Variants in F8 observed in about 807,000 individuals in gnomAD.
F8 encodes the protein antihemophilic factor.
Under a neutral mutation model 140.6 loss-of-function variants are expected in F8, and 12 were observed. The observed-to-expected ratio is 0.09, with a 90% CI of 0.05 to 0.14. F8 has a LOEUF of 0.14. F8 is among the 10% of genes least tolerant of loss of function. F8 has a pLI of 1.00. For synonymous variants in F8, 585 were observed against 614.6 expected, an observed-to-expected ratio of 0.95 and a Z score of 0.71; for missense variants, 1,354 against 1,720.7, an observed-to-expected ratio of 0.79 and a Z score of 3.77.
At position 154,837,722 on chromosome X, in the gene F8, G is replaced by A; in HGVS notation, c.6931C>T (p.Pro2311Ser). ...GGTGGGTCTAGAGAGTTCACCACAGGTGTGAAGGAGTCTTGATTTCCCTGA... is the reference window on the plus strand; with the variant it reads ...GGTGGGTCTAGAGAGTTCACCACAGATGTGAAGGAGTCTTGATTTCCCTGA... ...VFQGNQDSFTPVVNSLDPPLL... is the reference protein window; with the variant it reads ...VFQGNQDSFTSVVNSLDPPLL... The change falls in exon 26 of 26, where the codon CCT becomes TCT. Residue 2311 changes from proline (P) to serine (S), a missense_variant. By Grantham distance (74) the Pro-to-Ser change is moderately conservative. Transcript: ENST00000360256. 8.3e-7 allele frequency: 1 copy of A among 1,211,332 alleles called. No homozygotes were observed. The highest frequency in any genetic ancestry group is 1.1e-6 in the Non-Finnish European group (1 of 894,915).
intron 22 of F8, among the ~76,000 whole-genome samples, chrX:154,876,365 C>T (rs2072816522): frequency 9.0e-6 from 1 of 110,653 alleles, no homozygotes; most frequent in Admixed American, 9.6e-5. Flanking sequence ...GTGATCCGCC[C>T]ACCTCGGCCT....
rs781800107 is a variant in F8, at chrX:154,837,669, G to A, written c.6984C>T (p.His2328=). 4.1e-6 allele frequency: 5 copies of A among 1,211,282 alleles called. No homozygotes were observed. The South Asian group carries it at 7.0e-5, about 17-fold the overall frequency. Residue 2328 remains histidine (H), a synonymous_variant, in exon 26 of 26, where the codon CAC becomes CAT. Transcript: ENST00000360256. The part of the protein sequence containing the change: ...PPLLTRYLRI[H]PQSWVHQIAL... Reference sequence around the variant, plus strand: ...CAATCTGGTGCACCCAACTCTGGGGGTGAATTCGAAGGTAGCGAGTCAGTA... The same window carrying A: ...CAATCTGGTGCACCCAACTCTGGGGATGAATTCGAAGGTAGCGAGTCAGTA...
chrX:154,911,610 T>G (rs781829649), intron 14 of F8, among the ~76,000 whole-genome samples: 14 of 112,006 alleles, frequency 1.2e-4, no homozygotes, highest in Non-Finnish European at 2.6e-4. Context: ...CATCTGTTGA[T>G]GTATACTTAG....
Position 154,957,057 on chromosome X carries a change from T to G in F8, c.1652A>C (p.Tyr551Ser). ...CTCCATATTAACGAAACTAGAGTAA[T>G]AGCGGGTCAGGCACCGAGGATCTGA... Reference protein sequence around the residue: ...TKSDPRCLTRYYSSFVNMERD... With the variant: ...TKSDPRCLTRSYSSFVNMERD... Residue 551 changes from tyrosine (Y) to serine (S), a missense_variant, in exon 11 of 26, where the codon TAT becomes TCT. By Grantham distance (144) the Tyr-to-Ser change is moderately radical (BLOSUM62 -2). Around this residue, in one of 4 missense-constraint regions of F8, gnomAD observed 252 missense variants for 338.5 expected, o/e 0.74. Coordinates refer to ENST00000360256, the MANE Select transcript of F8 (RefSeq NM_000132.4). 3 of 1,209,509 alleles carry G rather than the reference T, an allele frequency of 2.5e-6. No homozygotes were observed. The East Asian group carries it at 8.9e-5, about 36-fold the overall frequency.
intron 21 of F8, chrX:154,897,480 C>T (rs782404762): frequency 8.9e-6 from 1 of 112,311 alleles, no homozygotes; most frequent in Non-Finnish European, 1.9e-5. Flanking sequence ...GACCTTATAT[C>T]ATATATGTTT....
At chrX:154,903,872 G>A (rs902067262) in intron 18 of F8, 34 bp downstream of exon 18, 1 of 1,158,781 alleles carries the variant, frequency 8.6e-7, no homozygotes, top group African/African-American at 1.8e-5. Context: ...AACAAATAGA[G>A]TAGGTAGAAG....
intron 25 of F8, among the ~76,000 whole-genome samples, chrX:154,846,705 A>G (rs1293179286): frequency 8.9e-6 from 1 of 111,740 alleles, no homozygotes; most frequent in Non-Finnish European, 1.9e-5. Flanking sequence ...TCTCCTGAAT[A>G]CAGCACACTG....
intron 14 of F8, among the ~76,000 whole-genome samples, chrX:154,910,065 A>T (rs1212326780): frequency 8.9e-6 from 1 of 111,778 alleles, no homozygotes; most frequent in Non-Finnish European, 1.9e-5. Flanking sequence ...GTCTGTACTA[A>T]GAAAAATTCT....
Position 154,837,444 on chromosome X carries a change from G to C in F8, c.*153C>G. ...TGCACCCTCCTGGCCCCCCACCAAA[G>C]AAATGCAGGACTGATGATAGTTAAT... On this transcript the variant is annotated 3_prime_UTR_variant, in exon 26 of 26. Transcript: ENST00000360256. 1 of 620,229 alleles carries C rather than the reference G, an allele frequency of 1.6e-6. No individual in the cohort carries two copies. Among genetic ancestry groups the C allele is most frequent in the Non-Finnish European group, 2.5e-6 (1 of 403,925 alleles). 51.1% of individuals were successfully genotyped at this position (620,229 alleles called of 1,213,427 possible).
intron 2 of F8, among the ~76,000 whole-genome samples, chrX:154,999,055 C>T (rs1557285353): frequency 9.0e-6 from 1 of 110,859 alleles, no homozygotes; most frequent in Non-Finnish European, 1.9e-5. Context: ...TCCATAAGTT[C>T]CTAGCCTTTT....
intron 14 of F8, among the ~76,000 whole-genome samples, chrX:154,911,178 G>A (rs1480690775): frequency 9.2e-6 from 1 of 108,344 alleles, no homozygotes; most frequent in African/African-American, 3.4e-5. Flanking sequence ...TATGCTGAGC[G>A]CCGGTCCCCT....
chrX:154,956,869 C>T, intron 11 of F8, 88 bp downstream of exon 11: 5 of 796,748 alleles, frequency 6.3e-6, no homozygotes, highest in Non-Finnish European at 9.6e-6. Flanking sequence ...TTTTACTGAC[C>T]TATATTGCAA....
intron 1 of F8, among the ~76,000 whole-genome samples, chrX:155,002,122 T>C (rs1399931567): frequency 6.2e-5 from 7 of 112,496 alleles, no homozygotes; most frequent in Non-Finnish European, 1.3e-4. Context: ...TTATTTCACT[T>C]AGCGTAATAT....
chrX:154,977,486 T>G (rs983013385), intron 6 of F8: 9 of 111,079 alleles, frequency 8.1e-5, no homozygotes, highest in Non-Finnish European at 7.6e-5. Flanking sequence ...AGTTTTTTTT[T>G]GTCTGAAAAT....
At chrX:154,934,367 G>A (rs950807650) in intron 13 of F8, among the ~76,000 whole-genome samples, 3 of 111,497 alleles carry the variant, frequency 2.7e-5, no homozygotes, top group Non-Finnish European at 5.7e-5. Context: ...TGGGATTACA[G>A]GCATGAACCA....
At chrX:154,966,374 G>C in intron 8 of F8, 52 bp downstream of exon 8, 3 of 1,195,919 alleles carry the variant, frequency 2.5e-6, no homozygotes, top group South Asian at 1.8e-5. Flanking sequence ...TAACTGGTAA[G>C]AACTTTTTGA....
Position 154,923,410 on chromosome X carries a change from C to A in F8, c.5219+5161G>T, listed in dbSNP as rs377504418. On this transcript the variant is annotated intron_variant, in intron 14 of 25. Coordinates refer to ENST00000360256, the MANE Select transcript of F8 (RefSeq NM_000132.4). ...GAAATGATAGCCAAGAGGATCCCCA[C>A]CCAAATCTCATCGTGAATTCCCATG... Among the ~76,000 whole-genome samples, 4 of 111,899 alleles carry A rather than the reference C, an allele frequency of 3.6e-5. No homozygotes were observed. In the South Asian group the frequency reaches 1.5e-3, roughly 42 times the overall value.
chrX:154,854,590 T>TTGTG (rs112995374), intron 25 of F8, among the ~76,000 whole-genome samples: 47,434 of 100,106 alleles, frequency 0.47, 10,695 homozygotes, highest in East Asian at 0.72. Flanking sequence ...AGCTAATTCC[T>TTGTG]TGTGTGTGTG....
chrX:154,946,323 C>T (rs1275842618), intron 13 of F8, among the ~76,000 whole-genome samples: 2 of 112,089 alleles, frequency 1.8e-5, no homozygotes, highest in African/African-American at 6.5e-5. Context: ...TGACTTGAAA[C>T]TATACTACAA....
Sources: gnomAD v4.1 joint callset for allele counts (sites outside exome capture counted in the v4.1 genomes callset) on GRCh38, gnomAD v4.1.1 for gene constraint, gnomAD v4.1.1 regional missense constraint, MANE v1.5 for transcripts, NCBI Gene and HGNC (gene_info 2026-07-23, HGNC 2026-07-21) for gene names.